RBFOX2: variants seen among roughly 807,000 people sequenced by gnomAD.
The protein encoded by RBFOX2 is RNA binding fox-1 homolog 2.
A neutral mutation model predicts 49.1 loss-of-function variants in RBFOX2; 10 were observed. The observed-to-expected ratio is 0.20, with a 90% CI of 0.13 to 0.35. The LOEUF (loss-of-function observed/expected upper bound fraction) is 0.35, where lower values mean the gene tolerates loss of function less well. Among genes scored for constraint, RBFOX2 ranks in the 10% least tolerant of loss-of-function variants. The probability of loss-of-function intolerance (pLI) is 1.00; values close to 1 mark genes in which losing one functional copy is unlikely to be tolerated. For synonymous variants in RBFOX2, 183 were observed against 187.4 expected (o/e 0.98, Z 0.19); for missense variants, 323 against 486.9 (o/e 0.66, Z 3.17).
chr22:35,824,429 C>T (rs969677932), intron 1 of RBFOX2: 2 of 152,190 alleles, frequency 1.3e-5, no homozygotes, highest in African/African-American at 4.8e-5. Flanking sequence ...CCACTGATCT[C>T]TAGCAAATGG....
At chr22:35,744,290 G>A (rs1931411616) in intron 11 of RBFOX2, 41 bp from the exon 14 acceptor site, 1 of 1,564,716 alleles carries the variant, frequency 6.4e-7, no homozygotes, top group South Asian at 1.2e-5. Context: ...AAAGGTTGAT[G>A]AGAGAAGCAT....
intron 1 of RBFOX2, among the ~76,000 whole-genome samples, chr22:35,814,832 A>C (rs1315235614): frequency 6.6e-6 from 1 of 151,256 alleles, no homozygotes; most frequent in Admixed American, 6.6e-5. Context: ...AGGAGGGAGG[A>C]TCTCTTGAGC....
intron 1 of RBFOX2, among the ~76,000 whole-genome samples, chr22:35,983,531 G>GT (rs1223739473): frequency 6.6e-6 from 1 of 152,018 alleles, no homozygotes; most frequent in Non-Finnish European, 1.5e-5. Context: ...AATCACTGTG[G>GT]TAAGATGTTA....
chr22:35,749,596 A>G lies in RBFOX2; in HGVS notation c.888-3035T>C, dbSNP rs1934151969. 6.6e-6 allele frequency among the ~76,000 whole-genome samples: 1 copy of G among 152,224 alleles called. No homozygotes were observed. The highest frequency in any genetic ancestry group is 1.5e-5 in the Non-Finnish European group (1 of 68,046). On this transcript the variant is annotated intron_variant, in intron 9 of 11. Transcript: ENST00000405409. The surrounding 1 kb of genome is among the most constrained non-coding windows in gnomAD (Gnocchi z 4.1). The stretch of plus-strand genomic sequence containing the variant: ...CAAAACATATCACAAAATGTGAGAA[A>G]AAGAAAATTCAGATATATTTATTTC...
intron 4 of RBFOX2, among the ~76,000 whole-genome samples, chr22:35,771,611 G>A (rs976730288): frequency 6.6e-6 from 1 of 152,254 alleles, no homozygotes; most frequent in East Asian, 1.9e-4. Context: ...GATTAGGAAA[G>A]TGAGAGGTAT....
At chr22:35,752,038 C>T (rs2145982776) in intron 9 of RBFOX2, among the ~76,000 whole-genome samples, 1 of 152,282 alleles carries the variant, frequency 6.6e-6, no homozygotes, top group East Asian at 1.9e-4. Context: ...AATGAACTCA[C>T]TGATCTTCTT....
At chr22:35,764,178 A>C (rs1940013573) in intron 6 of RBFOX2, among the ~76,000 whole-genome samples, 1 of 152,196 alleles carries the variant, frequency 6.6e-6, no homozygotes, top group Admixed American at 6.5e-5. Flanking sequence ...AGCTGGGCTA[A>C]ATATATTTAT....
intron 2 of RBFOX2, among the ~76,000 whole-genome samples, chr22:35,783,006 T>TATAAC (rs1162192653): frequency 5.6e-4 from 86 of 152,328 alleles, no homozygotes; most frequent in African/African-American, 2.0e-3. Context: ...TGCACTCTGT[T>TATAAC]ATTTTCTAGT....
chr22:36,014,107 T>C lies in RBFOX2; in HGVS notation c.186+14133A>G, dbSNP rs1045263085. On this transcript the variant is annotated intron_variant, in intron 1 of 13. Transcript: ENST00000438146. ...GGGGGCTGGGGCATGGGCAGGATGATACCTATTATCATTTCTTTTTTTTTT... is the reference window on the plus strand; with the variant it reads ...GGGGGCTGGGGCATGGGCAGGATGACACCTATTATCATTTCTTTTTTTTTT... 4.0e-5 allele frequency among the ~76,000 whole-genome samples: 6 copies of C among 151,828 alleles called. 1 individual carries two copies. The highest frequency in any genetic ancestry group is 2.1e-4 in the South Asian group (1 of 4,796).
At chr22:35,761,461 T>A in exon 7 of RBFOX2, 1 of 1,614,124 alleles carries the variant, frequency 6.2e-7, no homozygotes, top group Non-Finnish European at 8.5e-7. Context: ...CTGGGCTTAA[T>A]TTCCAACCTG....
intron 1 of RBFOX2, among the ~76,000 whole-genome samples, chr22:35,977,722 CTA>C (rs375088964): frequency 0.073 from 5,926 of 80,640 alleles, 319 homozygotes; most frequent in African/African-American, 0.14. Flanking sequence ...CCTGAATGAA[CTA>C]TATATATATA....
chr22:35,865,977 T>C (rs2043635196), intron 1 of RBFOX2, among the ~76,000 whole-genome samples: 1 of 152,194 alleles, frequency 6.6e-6, no homozygotes, highest in Non-Finnish European at 1.5e-5. Context: ...CTGTAGCCAG[T>C]GTGTCTAAGA....
chr22:35,830,849 G>A (rs1397502646), intron 1 of RBFOX2, among the ~76,000 whole-genome samples: 2 of 152,132 alleles, frequency 1.3e-5, no homozygotes, highest in African/African-American at 4.8e-5. Context: ...TACAGCATAT[G>A]GAGGGAGAAA....
chr22:35,956,523 G>A (rs562721581), intron 1 of RBFOX2, among the ~76,000 whole-genome samples: 5 of 152,026 alleles, frequency 3.3e-5, no homozygotes, highest in East Asian at 1.9e-4. Flanking sequence ...CAGCACACCC[G>A]GCTAATTTTT....
At chr22:36,026,255 CAAAAA>C (rs796104651) in intron 1 of RBFOX2, among the ~76,000 whole-genome samples, 1 of 83,672 alleles carries the variant, frequency 1.2e-5, no homozygotes, top group African/African-American at 4.0e-5. Flanking sequence ...CCAGCCTGGG[CAAAAA>C]AAAAAAAAAG....
At chr22:36,000,384 T>C (rs919567906) in intron 1 of RBFOX2, 1 of 152,162 alleles carries the variant, frequency 6.6e-6, no homozygotes, top group South Asian at 2.1e-4. Context: ...TGCTAGACAA[T>C]AGATCAATAG....
At chr22:35,937,124 G>A (rs1024225810) in intron 1 of RBFOX2, among the ~76,000 whole-genome samples, 1 of 152,072 alleles carries the variant, frequency 6.6e-6, no homozygotes, top group Non-Finnish European at 1.5e-5. Flanking sequence ...ATCACCTTTG[G>A]GATTTTTAAA....
At chr22:35,761,149 A>G in intron 8 of RBFOX2, 53 bp downstream of exon 9, 1 of 1,483,978 alleles carries the variant, frequency 6.7e-7, no homozygotes, top group South Asian at 1.2e-5. Flanking sequence ...ACAGTACATG[A>G]TAGTTCACTC....
chr22:35,952,236 G>A (rs763563938), intron 1 of RBFOX2, among the ~76,000 whole-genome samples: 1 of 152,194 alleles, frequency 6.6e-6, no homozygotes, highest in Non-Finnish European at 1.5e-5. Context: ...CTTGAGTCAG[G>A]TTTCCTCTGG....
Sources: gnomAD v4.1 joint callset for allele counts (sites outside exome capture counted in the v4.1 genomes callset) on GRCh38, gnomAD v4.1.1 for gene constraint, Gnocchi (gnomAD v3.1) non-coding constraint, MANE v1.5 for transcripts, NCBI Gene and HGNC (gene_info 2026-07-23, HGNC 2026-07-21) for gene names.